ARHGEF2: variants seen among roughly 807,000 people sequenced by gnomAD.
ARHGEF2 encodes the protein rho guanine nucleotide exchange factor 2.
Under a neutral mutation model 121.0 loss-of-function variants are expected in ARHGEF2, and 22 were observed. That is an observed-to-expected ratio of 0.18 (90% CI 0.13 to 0.26). The LOEUF is 0.26. Ranked by LOEUF, ARHGEF2 falls within the 10% of genes least tolerant of loss-of-function variation. The pLI is 1.00. For missense variants in ARHGEF2, 907 were observed against 1,336.0 expected (o/e 0.68, Z 5.01); for synonymous variants, 487 against 530.0 (o/e 0.92, Z 1.11).
intron 11 of ARHGEF2, among the ~76,000 whole-genome samples, chr1:155,960,969 C>G (rs1677784575): frequency 6.6e-6 from 1 of 152,196 alleles, no homozygotes; most frequent in African/African-American, 2.4e-5. Flanking sequence ...TCAGTCCCCT[C>G]CTCTGGGCCT....
Position 155,969,026 on chromosome 1 carries a change from C to T in ARHGEF2, c.208+130G>A, listed in dbSNP as rs778031295. 1.6e-5 allele frequency: 19 copies of T among 1,191,194 alleles called. No individual in the cohort carries two copies. The South Asian group carries it at 2.5e-4, about 15-fold the overall frequency. 73.8% of individuals were successfully genotyped at this position (1,191,194 alleles called of 1,614,324 possible). A position where few individuals can be genotyped will look rare whatever the true frequency, so the allele number is the denominator to read the frequency against. On this transcript the variant is annotated intron_variant, in intron 2 of 21. Coordinates refer to ENST00000361247, the MANE Select transcript of ARHGEF2 (RefSeq NM_001162383.2). ...GGAGCAAGGGATCAAGCAACTGGCC[C>T]TGGCATTTGGGCCCAGCTGGGGATC... is the stretch of plus-strand genomic sequence containing the variant.
chr1:155,955,069 T>G, intron 13 of ARHGEF2, 100 bp from the exon 14 acceptor site: 1 of 939,580 alleles, frequency 1.1e-6, no homozygotes, highest in East Asian at 2.5e-5. Context: ...TGCTTCCATC[T>G]TCTGATAAGA....
chr1:155,977,650 G>A (rs894874613), intron 1 of ARHGEF2, among the ~76,000 whole-genome samples: 1 of 152,192 alleles, frequency 6.6e-6, no homozygotes, highest in Non-Finnish European at 1.5e-5. Context: ...CCAGGCAGAA[G>A]GGCTCAGGAT....
intron 1 of ARHGEF2, chr1:155,971,042 G>T: frequency 1.0e-6 from 1 of 986,728 alleles, no homozygotes. Flanking sequence ...TCTCAGCCTT[G>T]CTTCTCCGCC....
At chr1:155,964,251 C>A (rs1328724413) in intron 7 of ARHGEF2, among the ~76,000 whole-genome samples, 1 of 128,690 alleles carries the variant, frequency 7.8e-6, no homozygotes, top group Admixed American at 8.3e-5. Flanking sequence ...TGCTTTGTTG[C>A]CTAGGTTGGT....
intron 21 of ARHGEF2, among the ~76,000 whole-genome samples, 185 bp from the exon 22 acceptor site, chr1:155,948,200 C>G (rs1305206439): frequency 1.3e-5 from 2 of 152,182 alleles, no homozygotes; most frequent in Non-Finnish European, 2.9e-5. Flanking sequence ...GTATCCATAC[C>G]TAGGTACCGG....
In ARHGEF2 at chr1:155,960,420, A is replaced by G. The variant is rs192356415; in HGVS notation, c.1468+1241T>C. On this transcript the variant is annotated intron_variant, in intron 11 of 21. Coordinates refer to ENST00000361247, the MANE Select transcript of ARHGEF2 (RefSeq NM_001162383.2). Reference sequence around the variant, plus strand: ...GGAGTTTGAGTTACAGTGAGCTATGACTGCACCACTGCACCCCAGCCTGAG... The same window carrying G: ...GGAGTTTGAGTTACAGTGAGCTATGGCTGCACCACTGCACCCCAGCCTGAG... Among the ~76,000 whole-genome samples, 4 of 151,760 alleles carry G rather than the reference A, an allele frequency of 2.6e-5. No homozygotes were observed. In the East Asian group the frequency reaches 7.7e-4, roughly 29 times the overall value.
chr1:155,948,155 G>A, intron 21 of ARHGEF2, 140 bp from the exon 22 acceptor site: 1 of 612,902 alleles, frequency 1.6e-6, no homozygotes, highest in Non-Finnish European at 2.8e-6. Flanking sequence ...AAATTCTTGG[G>A]TGAGAGGAAA....
At position 155,961,749 on chromosome 1, in the gene ARHGEF2, C is replaced by T; in HGVS notation, c.1380G>A (p.Lys460=). The T allele has an allele frequency of 6.2e-7, 1 of 1,614,204 alleles. No individual in the cohort carries two copies. Among genetic ancestry groups the T allele is most frequent in the Non-Finnish European group, 8.5e-7 (1 of 1,180,032 alleles). The part of the protein sequence containing the change: ...DPRAQTPVPG[K]GPFGREELLR... The stretch of plus-strand genomic sequence containing the variant: ...GAAGTTCCTCTCGGCCAAAGGGGCC[C>T]TTGCCAGGCACTGGGGTTTGGGCCC... Residue 460 remains lysine, a synonymous_variant, in exon 11 of 22, where the codon AAG becomes AAA. Transcript: ENST00000361247. This position sits in a 1 kb window ranked among gnomAD's most constrained non-coding sequence, Gnocchi z 4.7.
At chr1:155,955,952 C>T (rs995618270) in intron 13 of ARHGEF2, among the ~76,000 whole-genome samples, 4 of 151,962 alleles carry the variant, frequency 2.6e-5, no homozygotes, top group African/African-American at 9.7e-5. Flanking sequence ...CAGTGGTCCG[C>T]CTGTCTCAGC....
Position 155,954,947 on chromosome 1 carries a change from G to A in ARHGEF2, c.1738C>T (p.Pro580Ser). ...VRTCPSREDF[P>S]LIETEDEAYL... is the part of the protein sequence containing the mutation. ...GCCTCATCCTCTGTCTCAATCAGGG[G>A]GAAGTCCTCCCTGGATGGGCATCTG... The change falls in exon 14 of 22, where the codon CCC becomes TCC. Residue 580 changes from proline (P) to serine (S), a missense_variant. Pro to Ser is a moderately conservative substitution (Grantham distance 74). This residue lies in a region of ARHGEF2 where 432 missense variants were observed against 559.5 expected (regional missense o/e 0.77). Transcript: ENST00000361247. The A allele has an allele frequency of 6.2e-7, 1 of 1,611,722 alleles. No individual in the cohort carries two copies. Among genetic ancestry groups the A allele is most frequent in the South Asian group, 1.1e-5 (1 of 90,366 alleles).
upstream of ARHGEF2, chr1:155,979,109 C>T (rs1681873559): frequency 2.0e-6 from 2 of 985,592 alleles, no homozygotes; most frequent in South Asian, 4.7e-5. Context: ...CTTCAGTACA[C>T]GGGAAGGGTA....
In ARHGEF2 at chr1:155,954,016, C is replaced by A. The variant is rs78075343; in HGVS notation, c.1783+886G>T. On this transcript the variant is annotated intron_variant, in intron 14 of 21. Transcript: ENST00000361247. The stretch of plus-strand genomic sequence containing the variant: ...TGTTGTTGTTACCCAGACTGGAGTG[C>A]AGTGGTGCAATTATAGTGTATTACA... Among the ~76,000 whole-genome samples, 1,480 of 151,928 alleles carry A rather than the reference C, an allele frequency of 9.7e-3. 23 individuals are homozygous for A. Among genetic ancestry groups the A allele is most frequent in the African/African-American group, 0.034 (1,408 of 41,464 alleles).
At position 155,947,107 on chromosome 1, in the gene ARHGEF2, C is replaced by T. The variant is rs1674541769; in HGVS notation, c.*835G>A. 2.9e-6 allele frequency: 1 copy of T among 344,752 alleles called. No homozygotes were observed. Among genetic ancestry groups the T allele is most frequent in the Non-Finnish European group, 5.7e-6 (1 of 175,046 alleles). The allele number at this position is 344,752 out of a possible 1,614,324, so 21.4% of individuals were successfully genotyped here. A position where few individuals can be genotyped will look rare whatever the true frequency, so the allele number is the denominator to read the frequency against. On this transcript the variant is annotated 3_prime_UTR_variant, in exon 22 of 22. Transcript: ENST00000361247. ...TGGGGAAGAGGTCAGTATAGGTCCC[C>T]CCGTTACTGCAGATGAAGGCAGAAG...
In ARHGEF2 at chr1:155,972,110, A is replaced by C. The variant is rs977217442; in HGVS notation, c.64-2810T>G. On this transcript the variant is annotated intron_variant, in intron 1 of 21. Transcript: ENST00000361247. The stretch of plus-strand genomic sequence containing the variant: ...TCCACAAACACTCATCTGTCTGACC[A>C]GCTCAGATGGAGTGGCAAAGGGAGG... 8.2e-6 allele frequency: 3 copies of C among 366,420 alleles called. No individual in the cohort carries two copies. The Admixed American group carries it at 9.4e-5, about 12-fold the overall frequency. 22.7% of individuals were successfully genotyped at this position (366,420 alleles called of 1,614,324 possible). A position where few individuals can be genotyped will look rare whatever the true frequency, so the allele number is the denominator to read the frequency against.
chr1:155,964,178 A>AT (rs1558031128), intron 7 of ARHGEF2, among the ~76,000 whole-genome samples: 2 of 101,100 alleles, frequency 2.0e-5, no homozygotes, highest in South Asian at 6.2e-4. Context: ...ATATATATAT[A>AT]TATATATATA....
At chr1:155,958,912 G>C (rs1454667711) in intron 11 of ARHGEF2, among the ~76,000 whole-genome samples, 2 of 125,842 alleles carry the variant, frequency 1.6e-5, no homozygotes, top group Admixed American at 8.7e-5. Flanking sequence ...AGTGTGGGTG[G>C]GGGGTGGGGG....
At chr1:155,976,595 G>A (rs1343679773) in intron 1 of ARHGEF2, among the ~76,000 whole-genome samples, 1 of 150,204 alleles carries the variant, frequency 6.7e-6, no homozygotes, top group Admixed American at 6.6e-5. Flanking sequence ...GATCCCAGTA[G>A]CTACCTGCCC....
intron 1 of ARHGEF2, chr1:155,977,966 C>G: frequency 1.8e-6 from 1 of 544,204 alleles, no homozygotes; most frequent in Non-Finnish European, 2.4e-6. Flanking sequence ...GTCGCCACGC[C>G]AAGCCCAAGC....
Sources: allele counts gnomAD v4.1 joint callset (sites outside exome capture counted in the v4.1 genomes callset), GRCh38; gene constraint gnomAD v4.1.1; regional missense constraint gnomAD v4.1.1; non-coding constraint Gnocchi (gnomAD v3.1); transcripts MANE v1.5; gene names NCBI Gene and HGNC (gene_info 2026-07-23, HGNC 2026-07-21).